The following BLVRA variants were observed in gnomAD, a reference collection of about 807,000 sequenced individuals.
The protein encoded by BLVRA is biliverdin reductase A.
A neutral mutation model predicts 32.8 loss-of-function variants in BLVRA; 22 were observed. The observed-to-expected ratio is 0.67, with a 90% confidence interval of 0.48 to 0.96. BLVRA has a LOEUF of 0.96. Among genes scored for constraint, BLVRA ranks in the 40% least tolerant of loss-of-function variants. The pLI, the probability that BLVRA is intolerant of heterozygous loss-of-function variation, is 0.00. For synonymous variants in BLVRA, 119 were observed against 141.3 expected, an observed-to-expected ratio of 0.84 and a Z score of 1.12; for missense variants, 323 against 358.1, an observed-to-expected ratio of 0.90 and a Z score of 0.79.
At chr7:43,803,022 C>T (rs2095800435) in intron 6 of BLVRA, among the ~76,000 whole-genome samples, 1 of 152,238 alleles carries the variant, frequency 6.6e-6, no homozygotes, top group South Asian at 2.1e-4. Flanking sequence ...GCGTGAGCCA[C>T]CACGCCTGGC....
chr7:43,779,868 AT>A (rs112101991), intron 2 of BLVRA, among the ~76,000 whole-genome samples: 185 of 150,582 alleles, frequency 1.2e-3, no homozygotes, highest in African/African-American at 3.5e-3. Flanking sequence ...TATATTTTAT[AT>A]TTTTTTTCTT....
chr7:43,800,600 C>G (rs754583426), intron 6 of BLVRA, 28 bp downstream of exon 6: 6 of 1,589,960 alleles, frequency 3.8e-6, no homozygotes, highest in Non-Finnish European at 4.3e-6. Context: ...TCACAGGTCA[C>G]ATGTGAGGTC....
intron 2 of BLVRA, among the ~76,000 whole-genome samples, chr7:43,782,077 CTG>C (rs1442649856): frequency 6.6e-6 from 1 of 152,184 alleles, no homozygotes; most frequent in Non-Finnish European, 1.5e-5. Context: ...CCTGCTTTGA[CTG>C]TAGCTGTCGG....
At chr7:43,762,450 A>G (rs2095743355) in intron 1 of BLVRA, among the ~76,000 whole-genome samples, 1 of 151,930 alleles carries the variant, frequency 6.6e-6, no homozygotes. Flanking sequence ...ACTGAAATCA[A>G]AAGGGAAACA....
At chr7:43,782,235 G>C (rs562846154) in intron 2 of BLVRA, among the ~76,000 whole-genome samples, 1 of 152,164 alleles carries the variant, frequency 6.6e-6, no homozygotes, top group Admixed American at 6.5e-5. Flanking sequence ...GCTTGGGAGG[G>C]TCAGTGAAAG....
Position 43,767,428 on chromosome 7 carries a change from T to TAAGA in BLVRA, c.-21-3710_-21-3709insAAGA. ...CACTGTTCCTATCGGGTTATTTATA[T>TAAGA]TTCACAACTAAATCTTATATATCTG... On this transcript the variant is annotated intron_variant, in intron 1 of 7. Transcript: ENST00000265523. The TAAGA allele has an allele frequency of 1.9e-6, 3 of 1,576,914 alleles. No homozygotes were observed. In the South Asian group the frequency reaches 3.3e-5, roughly 17 times the overall value.
intron 2 of BLVRA, among the ~76,000 whole-genome samples, chr7:43,772,583 C>T (rs1483469907): frequency 1.3e-5 from 2 of 152,176 alleles, no homozygotes; most frequent in Admixed American, 6.5e-5. Context: ...TAAAGAACTG[C>T]CCAAGACTGG....
chr7:43,798,639 C>A (rs141407845), intron 5 of BLVRA, among the ~76,000 whole-genome samples: 175 of 152,290 alleles, frequency 1.1e-3, no homozygotes, highest in African/African-American at 3.6e-3. Context: ...GTGGTTAAGG[C>A]TCATCTTGTA....
chr7:43,787,845 A>G lies in BLVRA; in HGVS notation c.13-59A>G, dbSNP rs1243472636. On this transcript the variant is annotated intron_variant, in intron 2 of 7. Coordinates refer to ENST00000265523, the MANE Select transcript of BLVRA (RefSeq NM_000712.4). The surrounding 1 kb of genome is among the most constrained non-coding windows in gnomAD (Gnocchi z 4.5). ...GACCCTGCCAGCTCCTTTGTTTTGTAGTTTTCTGCTCGATGCCTACAGTGT... is the reference window on the plus strand; with the variant it reads ...GACCCTGCCAGCTCCTTTGTTTTGTGGTTTTCTGCTCGATGCCTACAGTGT... The G allele has an allele frequency of 1.2e-6, 2 of 1,613,422 alleles. No homozygotes were observed. Among genetic ancestry groups the G allele is most frequent in the East Asian group, 2.2e-5 (1 of 44,854 alleles).
Position 43,787,918 on chromosome 7 carries a change from T to C in BLVRA, c.27T>C (p.Phe9=). The C allele has an allele frequency of 6.2e-7, 1 of 1,614,136 alleles. No homozygotes were observed. The highest frequency in any genetic ancestry group is 8.5e-7 in the Non-Finnish European group (1 of 1,180,010). The change falls in exon 3 of 8, where the codon TTT becomes TTC. Residue 9 remains phenylalanine, a synonymous_variant. Transcript: ENST00000265523. This position sits in a 1 kb window ranked among gnomAD's most constrained non-coding sequence, Gnocchi z 4.5. ...TTGTGTTTCAGCCCGAGAGGAAGTTTGGCGTGGTGGTGGTTGGTGTTGGCC... is the reference window on the plus strand; with the variant it reads ...TTGTGTTTCAGCCCGAGAGGAAGTTCGGCGTGGTGGTGGTTGGTGTTGGCC... MNAEPERK[F]GVVVVGVGRA... is the part of the protein sequence containing the mutation.
At chr7:43,777,472 C>A (rs1371049239) in intron 2 of BLVRA, among the ~76,000 whole-genome samples, 2 of 151,918 alleles carry the variant, frequency 1.3e-5, no homozygotes, top group Non-Finnish European at 2.9e-5. Flanking sequence ...ATATTGGCCC[C>A]CACTCTCTTC....
At chr7:43,777,439 A>G (rs1358377772) in intron 2 of BLVRA, among the ~76,000 whole-genome samples, 2 of 150,710 alleles carry the variant, frequency 1.3e-5, no homozygotes, top group African/African-American at 4.8e-5. Flanking sequence ...TGGGTTGAAA[A>G]TTCTTTTCTT....
At chr7:43,773,044 T>C (rs1374267205) in intron 2 of BLVRA, among the ~76,000 whole-genome samples, 1 of 152,180 alleles carries the variant, frequency 6.6e-6, no homozygotes, top group Non-Finnish European at 1.5e-5. Flanking sequence ...TACCTCTTTC[T>C]CATCGATATT....
At chr7:43,791,482 C>A (rs113734997) in intron 4 of BLVRA, 114 bp downstream of exon 4, 7 of 1,176,366 alleles carry the variant, frequency 6.0e-6, no homozygotes. Flanking sequence ...GAGAAAATTA[C>A]AATTGCTCTG....
intron 2 of BLVRA, among the ~76,000 whole-genome samples, chr7:43,784,064 G>C (rs932744996): frequency 6.6e-6 from 1 of 152,166 alleles, no homozygotes; most frequent in Non-Finnish European, 1.5e-5. Flanking sequence ...GGGTGGGGGC[G>C]CAAGCTCACT....
intron 1 of BLVRA, chr7:43,767,327 A>C: frequency 3.9e-6 from 6 of 1,523,726 alleles, no homozygotes; most frequent in Non-Finnish European, 5.4e-6. Flanking sequence ...AACGCACTGC[A>C]GCCTCCTAAG....
intron 6 of BLVRA, 116 bp from the exon 7 acceptor site, chr7:43,803,560 T>C: frequency 1.7e-6 from 2 of 1,177,974 alleles, no homozygotes; most frequent in South Asian, 1.2e-5. Context: ...CAAGGTCCCA[T>C]TGTACTGATC....
intron 1 of BLVRA, among the ~76,000 whole-genome samples, chr7:43,758,981 G>A (rs1025112946): frequency 4.6e-5 from 7 of 152,222 alleles, no homozygotes; most frequent in Non-Finnish European, 1.5e-5. Flanking sequence ...CTACACAAAA[G>A]ACAGTCTAAA....
intron 1 of BLVRA, among the ~76,000 whole-genome samples, chr7:43,759,120 C>A (rs1412865606): frequency 6.6e-6 from 1 of 152,218 alleles, no homozygotes; most frequent in East Asian, 1.9e-4. Flanking sequence ...TGGGCCCGGG[C>A]GTAGCCACCG....
Sources: allele counts gnomAD v4.1 joint callset (sites outside exome capture counted in the v4.1 genomes callset), GRCh38; gene constraint gnomAD v4.1.1; non-coding constraint Gnocchi (gnomAD v3.1); transcripts MANE v1.5; gene names NCBI Gene and HGNC (gene_info 2026-07-23, HGNC 2026-07-21).